Variants in CDC42BPA observed in about 807,000 individuals in gnomAD.
CDC42BPA encodes CDC42 binding protein kinase alpha.
In CDC42BPA, 80 loss-of-function variants were observed where a neutral mutation model predicts 223.5. The ratio of observed to expected loss-of-function variants is 0.36; its 90% CI spans 0.30 to 0.43. The LOEUF is 0.43. Among genes scored for constraint, CDC42BPA ranks in the 20% least tolerant of loss-of-function variants. The probability of loss-of-function intolerance (pLI) is 1.00; values close to 1 mark genes in which losing one functional copy is unlikely to be tolerated. For missense variants in CDC42BPA, 1,743 were observed against 2,099.9 expected, an observed-to-expected ratio of 0.83 and a Z score of 3.32; for synonymous variants, 694 against 718.6, an observed-to-expected ratio of 0.97 and a Z score of 0.55.
At chr1:227,201,698 T>A (rs1175589810) in intron 3 of CDC42BPA, among the ~76,000 whole-genome samples, 1 of 151,608 alleles carries the variant, frequency 6.6e-6, no homozygotes, top group Non-Finnish European at 1.5e-5. Context: ...CACACACAGA[T>A]TATATATTCA....
At chr1:227,180,397 C>T (rs916577634) in intron 5 of CDC42BPA, 5 of 152,098 alleles carry the variant, frequency 3.3e-5, no homozygotes, top group African/African-American at 1.2e-4. Flanking sequence ...CTCTCTAATA[C>T]ACAAGCTTAA....
At chr1:227,287,505 C>T (rs1429168715) in intron 1 of CDC42BPA, among the ~76,000 whole-genome samples, 3 of 152,120 alleles carry the variant, frequency 2.0e-5, no homozygotes, top group African/African-American at 7.2e-5. Flanking sequence ...CCTGATAATT[C>T]TCTTCACAAG....
intron 14 of CDC42BPA, among the ~76,000 whole-genome samples, chr1:227,106,640 A>G (rs988015497): frequency 2.6e-5 from 4 of 152,124 alleles, no homozygotes; most frequent in Non-Finnish European, 5.9e-5. Context: ...TTCTTCTTTC[A>G]GTATTATTTC....
At chr1:227,131,571 T>A (rs1239966399) in intron 10 of CDC42BPA, among the ~76,000 whole-genome samples, 1 of 152,182 alleles carries the variant, frequency 6.6e-6, no homozygotes, top group Admixed American at 6.5e-5. Context: ...CTCCTTTTTG[T>A]CCTAGCAGGG....
chr1:227,142,293 T>C (rs1209155734), intron 9 of CDC42BPA, among the ~76,000 whole-genome samples: 2 of 152,148 alleles, frequency 1.3e-5, no homozygotes, highest in African/African-American at 2.4e-5. Flanking sequence ...ATAGGGAATA[T>C]AAGTGAAGTG....
intron 1 of CDC42BPA, among the ~76,000 whole-genome samples, chr1:227,255,997 A>G (rs1030872775): frequency 4.6e-5 from 7 of 152,204 alleles, no homozygotes; most frequent in Admixed American, 1.3e-4. Context: ...ATAGAATGGG[A>G]AAAGTATTTG....
chr1:227,039,608 G>A (rs953113882), intron 24 of CDC42BPA, among the ~76,000 whole-genome samples: 1 of 152,002 alleles, frequency 6.6e-6, no homozygotes, highest in African/African-American at 2.4e-5. Context: ...CGCTCTATGA[G>A]GGTAGGATCT....
chr1:227,274,835 T>C (rs1686642962), intron 1 of CDC42BPA, among the ~76,000 whole-genome samples: 1 of 152,150 alleles, frequency 6.6e-6, no homozygotes, highest in African/African-American at 2.4e-5. Context: ...ATAATGACTG[T>C]CATTAGAAAA....
chr1:227,220,612 T>C (rs888121027), intron 2 of CDC42BPA, among the ~76,000 whole-genome samples: 4 of 151,978 alleles, frequency 2.6e-5, no homozygotes, highest in Non-Finnish European at 5.9e-5. Flanking sequence ...AATGACCTGG[T>C]TGCCTACTTT....
chr1:227,088,108 T>G (rs1460271763), intron 16 of CDC42BPA, among the ~76,000 whole-genome samples: 3 of 152,238 alleles, frequency 2.0e-5, no homozygotes, highest in Non-Finnish European at 4.4e-5. Flanking sequence ...AATAAAAGCA[T>G]GGACTCCGGA....
chr1:227,164,687 C>T (rs1572081972), intron 5 of CDC42BPA, among the ~76,000 whole-genome samples: 2 of 151,760 alleles, frequency 1.3e-5, no homozygotes, highest in Admixed American at 6.6e-5. Flanking sequence ...TGCGCATGAG[C>T]GCACACACAC....
At chr1:227,172,254 A>G (rs1666225799) in intron 5 of CDC42BPA, among the ~76,000 whole-genome samples, 1 of 152,232 alleles carries the variant, frequency 6.6e-6, no homozygotes, top group Non-Finnish European at 1.5e-5. Flanking sequence ...GAAAACAGTT[A>G]TTCAAAAAAT....
Position 227,317,021 on chromosome 1 carries a change from G to A in CDC42BPA, c.162C>T (p.Leu54=). ...CAAACTTACCCCATTCTAGGTATTC[G>A]AGAATGTTCTTCTCTCTTCTCAATG... The part of the protein sequence containing the change: ...NSPLRREKNI[L]EYLEWAKPFT... Residue 54 remains leucine, a synonymous_variant, in exon 1 of 37, where the codon CTC becomes CTT. Coordinates refer to ENST00000366766, the MANE Select transcript of CDC42BPA (RefSeq NM_001394014.1). The A allele has an allele frequency of 6.2e-7, 1 of 1,612,362 alleles. No homozygotes were observed. Among genetic ancestry groups the A allele is most frequent in the Non-Finnish European group, 8.5e-7 (1 of 1,178,686 alleles).
intron 1 of CDC42BPA, among the ~76,000 whole-genome samples, chr1:227,307,979 T>C (rs1027993111): frequency 1.3e-5 from 2 of 152,226 alleles, no homozygotes; most frequent in African/African-American, 2.4e-5. Context: ...AGAATAATTA[T>C]ATAACAACAA....
intron 16 of CDC42BPA, among the ~76,000 whole-genome samples, chr1:227,088,556 A>G (rs1682431071): frequency 6.6e-6 from 1 of 152,220 alleles, no homozygotes; most frequent in Non-Finnish European, 1.5e-5. Flanking sequence ...TTCATGTTAA[A>G]TATTTTCCAC....
intron 2 of CDC42BPA, among the ~76,000 whole-genome samples, chr1:227,238,348 AAAAC>A (rs111842198): frequency 4.0e-5 from 6 of 151,432 alleles, no homozygotes; most frequent in Non-Finnish European, 8.8e-5. Context: ...TCTCATTAAA[AAAAC>A]AAACAAACAA....
chr1:227,000,288 T>C (rs1415605659), intron 35 of CDC42BPA, among the ~76,000 whole-genome samples: 2 of 152,174 alleles, frequency 1.3e-5, no homozygotes, highest in Admixed American at 6.5e-5. Flanking sequence ...TTGGGAAATA[T>C]ACTCTTTACT....
chr1:227,093,134 C>T (rs941954962), intron 15 of CDC42BPA, among the ~76,000 whole-genome samples: 1 of 152,174 alleles, frequency 6.6e-6, no homozygotes, highest in Non-Finnish European at 1.5e-5. Context: ...AGAACAGTTC[C>T]TCAGTCTTCC....
In CDC42BPA at chr1:226,994,998, G is replaced by C. The variant is rs536397809; in HGVS notation, c.4976-18C>G. On this transcript the variant is annotated intron_variant, in intron 35 of 36. Transcript: ENST00000366766. This position sits in a 1 kb window ranked among gnomAD's most constrained non-coding sequence, Gnocchi z 4.0. ...GGATGACCCTACAGTACATCATGCA[G>C]GCAAAATTTTACATATGCAGAGGGG... 3 of 1,605,726 alleles carry C rather than the reference G, an allele frequency of 1.9e-6. No individual in the cohort carries two copies. In the South Asian group the frequency reaches 3.3e-5, roughly 18 times the overall value.
Sources: allele counts gnomAD v4.1 joint callset (sites outside exome capture counted in the v4.1 genomes callset), GRCh38; gene constraint gnomAD v4.1.1; non-coding constraint Gnocchi (gnomAD v3.1); transcripts MANE v1.5; gene names NCBI Gene and HGNC (gene_info 2026-07-23, HGNC 2026-07-21).